Variants in HSP90AA1 observed in about 807,000 individuals in gnomAD.
HSP90AA1 encodes heat shock protein HSP 90-alpha.
HSP90AA1 carries 18 observed loss-of-function variants against 73.3 expected under a neutral mutation model. The observed-to-expected ratio is 0.25, with a 90% CI of 0.17 to 0.36. The LOEUF (loss-of-function observed/expected upper bound fraction) is 0.36, where lower values mean the gene tolerates loss of function less well. Ranked by LOEUF, HSP90AA1 falls within the 10% of genes least tolerant of loss-of-function variation. The pLI is 1.00. For missense variants in HSP90AA1, 704 were observed against 874.2 expected, an observed-to-expected ratio of 0.81 and a Z score of 2.45; for synonymous variants, 477 against 296.9, an observed-to-expected ratio of 1.61 and a Z score of -6.24.
intron 1 of HSP90AA1, among the ~76,000 whole-genome samples, chr14:102,122,283 T>A (rs914432635): frequency 0.023 from 40 of 1,772 alleles, no homozygotes; most frequent in Non-Finnish European, 0.064. Flanking sequence ...TTTAAAGACT[T>A]TTTTTTTTTT....
chr14:102,083,308 G>A lies in HSP90AA1; in HGVS notation c.1487-6C>T, dbSNP rs757717376. 10 of 1,613,968 alleles carry A rather than the reference G, an allele frequency of 6.2e-6. No individual in the cohort carries two copies. The Admixed American group carries it at 1.0e-4, about 16-fold the overall frequency. On this transcript the variant is annotated splice_polypyrimidine_tract_variant and splice_region_variant and intron_variant, in intron 8 of 10. Transcript: ENST00000216281. ...TACCTGGTCCTTGGTCTCACCTGAG[G>A]TATTACAAAGTTACTTTTAGACCTT... is the stretch of plus-strand genomic sequence containing the variant.
Position 102,085,314 on chromosome 14 carries a change from T to C in HSP90AA1, c.647A>G (p.Tyr216Cys). 1 of 1,612,192 alleles carries C rather than the reference T, an allele frequency of 6.2e-7. No individual in the cohort carries two copies. The highest frequency in any genetic ancestry group is 8.5e-7 in the Non-Finnish European group (1 of 1,178,688). ...IVKKHSQFIG[Y>C]PITLFVEKER... ...AAAACTTACAAAAAGAGTAATGGGA[T>C]ATCCAATAAACTGAGAATGTTTCTT... The change falls in exon 4 of 11, where the codon TAT becomes TGT. Residue 216 changes from tyrosine to cysteine, a missense_variant. Transcript: ENST00000216281.
chr14:102,087,258 C>T (rs2049267807), upstream of HSP90AA1: 3 of 688,606 alleles, frequency 4.4e-6, no homozygotes, highest in Non-Finnish European at 5.4e-6. Flanking sequence ...GCAACCTTCC[C>T]TCAATCGCCG....
chr14:102,120,316 G>A (rs1004608769), intron 1 of HSP90AA1, among the ~76,000 whole-genome samples: 34 of 152,054 alleles, frequency 2.2e-4, no homozygotes, highest in African/African-American at 5.8e-4. Flanking sequence ...CTGTGATCAT[G>A]CCACTGCACT....
chr14:102,137,482 C>T (rs921925564), intron 1 of HSP90AA1, among the ~76,000 whole-genome samples: 8 of 151,516 alleles, frequency 5.3e-5, no homozygotes, highest in Admixed American at 3.3e-4. Context: ...TGTGTCACCA[C>T]GCCTGGCTAA....
intron 1 of HSP90AA1, among the ~76,000 whole-genome samples, chr14:102,123,072 G>C (rs2049799444): frequency 6.6e-6 from 1 of 152,108 alleles, no homozygotes; most frequent in African/African-American, 2.4e-5. Flanking sequence ...GATTTGGCCT[G>C]AATTCAACTT....
In HSP90AA1 at chr14:102,139,203, G is replaced by C. The variant is rs762796970; in HGVS notation, c.155+47C>G. 3.1e-6 allele frequency: 5 copies of C among 1,607,690 alleles called. No homozygotes were observed. In the Admixed American group the frequency reaches 8.3e-5, roughly 27 times the overall value. On this transcript the variant is annotated intron_variant, in intron 1 of 11. Coordinates refer to the HSP90AA1 transcript ENST00000334701. ...CCACATTCTTCTCTCCCCCTACCCC[G>C]CCTGAAATAAAACATAGTGAAGCGT... is the stretch of plus-strand genomic sequence containing the variant.
intron 3 of HSP90AA1, 123 bp downstream of exon 3, chr14:102,085,635 G>C: frequency 3.4e-6 from 5 of 1,465,010 alleles, no homozygotes; most frequent in Non-Finnish European, 4.8e-6. Flanking sequence ...AAGTGCTCTA[G>C]CTTGTTCCTG....
intron 8 of HSP90AA1, 90 bp downstream of exon 8, chr14:102,083,456 G>T (rs990735910): frequency 3.7e-5 from 53 of 1,432,620 alleles, no homozygotes; most frequent in South Asian, 1.1e-4. Flanking sequence ...AATACCAGTT[G>T]TAACAGTGCT....
chr14:102,127,915 G>A (rs116897136), intron 1 of HSP90AA1, among the ~76,000 whole-genome samples: 12,134 of 152,020 alleles, frequency 0.08, 920 homozygotes, highest in African/African-American at 0.2. Flanking sequence ...CCAAAGTGCT[G>A]GGATTATAGG....
chr14:102,116,773 C>T (rs1789514856), intron 1 of HSP90AA1, among the ~76,000 whole-genome samples: 2 of 152,210 alleles, frequency 1.3e-5, no homozygotes, highest in Non-Finnish European at 2.9e-5. Context: ...TGGGCGCTGC[C>T]ACAATGGGGC....
intron 1 of HSP90AA1, among the ~76,000 whole-genome samples, chr14:102,086,670 C>T (rs1237137064): frequency 6.6e-6 from 1 of 150,840 alleles, no homozygotes; most frequent in Admixed American, 6.6e-5. Context: ...TCCGCCACGG[C>T]GGCCTCCTCC....
In HSP90AA1 at chr14:102,124,816, A is replaced by C. The variant is rs115403331; in HGVS notation, c.155+14434T>G. On this transcript the variant is annotated intron_variant, in intron 1 of 11. Coordinates refer to the HSP90AA1 transcript ENST00000334701. ...TATGTACTATACTGTCACAATATTA[A>C]ATAATGTGATCATGAATAGAATTTA... Among the ~76,000 whole-genome samples the C allele has an allele frequency of 4.6e-3, 694 of 152,312 alleles. 6 individuals carry two copies. The highest frequency in any genetic ancestry group is 0.015 in the African/African-American group (643 of 41,562).
chr14:102,101,438 G>T (rs1198155331), intron 2 of HSP90AA1, among the ~76,000 whole-genome samples: 2 of 152,100 alleles, frequency 1.3e-5, no homozygotes, highest in Non-Finnish European at 2.9e-5. Flanking sequence ...CCCTCCTAGG[G>T]TTCAGTCACT....
intron 2 of HSP90AA1, among the ~76,000 whole-genome samples, chr14:102,093,411 A>C (rs546481365): frequency 3.5e-4 from 53 of 150,372 alleles, no homozygotes; most frequent in Admixed American, 1.8e-3. Flanking sequence ...CGGGAGGCTG[A>C]GGCAAGAGAA....
upstream of HSP90AA1, among the ~76,000 whole-genome samples, chr14:102,090,316 T>C (rs1230887727): frequency 6.6e-6 from 1 of 152,238 alleles, no homozygotes; most frequent in Non-Finnish European, 1.5e-5. Flanking sequence ...GTTCTCAGAA[T>C]GTGGTGCCCT....
At chr14:102,086,669 G>C (rs1040318900) in intron 1 of HSP90AA1, among the ~76,000 whole-genome samples, 28 of 150,848 alleles carry the variant, frequency 1.9e-4, no homozygotes, top group African/African-American at 6.5e-4. Flanking sequence ...CTCCGCCACG[G>C]CGGCCTCCTC....
intron 1 of HSP90AA1, among the ~76,000 whole-genome samples, chr14:102,136,582 A>AAG (rs1275202002): frequency 6.8e-6 from 1 of 146,994 alleles, no homozygotes; most frequent in Non-Finnish European, 1.5e-5. Flanking sequence ...AAAAAAAAAA[A>AAG]AAAAAAAAGA....
upstream of HSP90AA1, among the ~76,000 whole-genome samples, chr14:102,089,155 A>T (rs2049318285): frequency 6.6e-6 from 1 of 152,124 alleles, no homozygotes; most frequent in South Asian, 2.1e-4. Flanking sequence ...CCGTGACCTC[A>T]GGTGATCCGC....
Sources: gnomAD v4.1 joint callset for allele counts (sites outside exome capture counted in the v4.1 genomes callset) on GRCh38, gnomAD v4.1.1 for gene constraint, MANE v1.5 for transcripts, NCBI Gene and HGNC (gene_info 2026-07-23, HGNC 2026-07-21) for gene names.